Variants in RSU1 observed in about 807,000 individuals in gnomAD.
RSU1 encodes the protein rsu-1.
Under a neutral mutation model 31.1 loss-of-function variants are expected in RSU1, and 26 were observed. The ratio of observed to expected loss-of-function variants is 0.84; its 90% CI spans 0.61 to 1.16. The LOEUF (loss-of-function observed/expected upper bound fraction) is 1.16. Among genes scored for constraint, RSU1 ranks in the 50% most tolerant of loss-of-function variants. RSU1 has a pLI of 0.00. For missense variants in RSU1, 320 were observed against 339.1 expected, an observed-to-expected ratio of 0.94 and a Z score of 0.44; for synonymous variants, 164 against 136.3, an observed-to-expected ratio of 1.20 and a Z score of -1.41.
rs1833539722 is a variant in RSU1, at chr10:16,593,145, A to G, written c.*249T>C. On this transcript the variant is annotated 3_prime_UTR_variant, in exon 9 of 9. Transcript: ENST00000345264. ...GAGCCCACTATGGAATTCGCAGTTG[A>G]ATAAGAGCTTTGTTCCCTGCTTTTG... is the stretch of plus-strand genomic sequence containing the variant. 2 of 519,460 alleles carry G rather than the reference A, an allele frequency of 3.9e-6. No individual in the cohort carries two copies. Among genetic ancestry groups the G allele is most frequent in the East Asian group, 8.0e-5 (2 of 25,118 alleles). The allele number at this position is 519,460 out of a possible 1,614,324, so 32.2% of individuals were successfully genotyped here.
intron 7 of RSU1, among the ~76,000 whole-genome samples, chr10:16,707,619 C>G (rs1024782406): frequency 2.0e-5 from 3 of 150,898 alleles, no homozygotes; most frequent in Admixed American, 6.6e-5. Flanking sequence ...GAATATTAAC[C>G]TCTTGCCAGA....
intron 8 of RSU1, among the ~76,000 whole-genome samples, chr10:16,655,949 A>G (rs1349462529): frequency 4.6e-5 from 7 of 152,182 alleles, no homozygotes; most frequent in African/African-American, 1.7e-4. Flanking sequence ...GCCTGCCTGT[A>G]ATTATATTGA....
intron 2 of RSU1, among the ~76,000 whole-genome samples, chr10:16,807,570 T>C (rs1588549708): frequency 6.6e-6 from 1 of 152,186 alleles, no homozygotes; most frequent in Non-Finnish European, 1.5e-5. Flanking sequence ...CAGGAAACCA[T>C]AAAGAAAGTG....
At chr10:16,722,214 A>C (rs1000449734) in intron 7 of RSU1, among the ~76,000 whole-genome samples, 2 of 152,198 alleles carry the variant, frequency 1.3e-5, no homozygotes, top group Admixed American at 1.3e-4. Flanking sequence ...AAAGGTATGC[A>C]TGTATCAGAA....
chr10:16,675,476 G>A (rs76615577), intron 8 of RSU1, among the ~76,000 whole-genome samples: 27,066 of 152,012 alleles, frequency 0.18, 2,529 homozygotes, highest in Non-Finnish European at 0.19. Context: ...TTTTCAGGCA[G>A]GTATTGCTCT....
intron 7 of RSU1, among the ~76,000 whole-genome samples, chr10:16,750,002 A>G (rs1322013732): frequency 6.6e-6 from 1 of 152,160 alleles, no homozygotes; most frequent in East Asian, 1.9e-4. Flanking sequence ...GTCCCCACAG[A>G]CTTGTCAGCA....
intron 7 of RSU1, among the ~76,000 whole-genome samples, chr10:16,751,707 C>G (rs1486603619): frequency 1.3e-5 from 2 of 152,188 alleles, no homozygotes; most frequent in Admixed American, 1.3e-4. Context: ...GTTTAAAGAA[C>G]TGCTTCCTCA....
At chr10:16,801,966 C>T (rs1423841170) in intron 2 of RSU1, among the ~76,000 whole-genome samples, 1 of 151,896 alleles carries the variant, frequency 6.6e-6, no homozygotes, top group East Asian at 1.9e-4. Context: ...GGCAAAACGG[C>T]AATTACCTCT....
chr10:16,817,255 C>A (rs1408291777), intron 1 of RSU1, 60 bp downstream of exon 1: 2 of 415,314 alleles, frequency 4.8e-6, no homozygotes, highest in East Asian at 1.1e-4. Flanking sequence ...GGGAAGGGTT[C>A]AGCCCCGCTG....
At chr10:16,707,168 G>C (rs1388821639) in intron 7 of RSU1, among the ~76,000 whole-genome samples, 1 of 152,078 alleles carries the variant, frequency 6.6e-6, no homozygotes, top group Non-Finnish European at 1.5e-5. Context: ...GGTTGATTAC[G>C]TATCTTAGTT....
intron 8 of RSU1, among the ~76,000 whole-genome samples, chr10:16,678,326 G>C (rs1224695526): frequency 6.6e-6 from 1 of 152,214 alleles, no homozygotes; most frequent in Non-Finnish European, 1.5e-5. Flanking sequence ...AATGTTATCT[G>C]ACAGGTGTTA....
chr10:16,630,522 G>C (rs967989295), intron 8 of RSU1, among the ~76,000 whole-genome samples: 3 of 152,172 alleles, frequency 2.0e-5, no homozygotes, highest in Non-Finnish European at 4.4e-5. Flanking sequence ...GTATCTGCCT[G>C]CCTTCATCTC....
intron 7 of RSU1, among the ~76,000 whole-genome samples, chr10:16,724,646 T>C (rs901319459): frequency 6.6e-6 from 1 of 152,176 alleles, no homozygotes; most frequent in Non-Finnish European, 1.5e-5. Context: ...ACAGTGACTT[T>C]ACTGTCCGAG....
At chr10:16,750,857 A>T (rs1159449839) in intron 7 of RSU1, among the ~76,000 whole-genome samples, 2 of 145,578 alleles carry the variant, frequency 1.4e-5, no homozygotes, top group African/African-American at 5.2e-5. Context: ...ACTGTACAAG[A>T]TCTCTCTTTT....
At chr10:16,816,911 G>C in intron 2 of RSU1, 62 bp downstream of exon 2, 1 of 1,194,100 alleles carries the variant, frequency 8.4e-7, no homozygotes, top group Admixed American at 1.7e-5. Flanking sequence ...GACCAGCAGT[G>C]AATTGGCAAA....
intron 2 of RSU1, among the ~76,000 whole-genome samples, chr10:16,800,881 C>T (rs764740787): frequency 3.0e-4 from 45 of 149,652 alleles, no homozygotes; most frequent in Non-Finnish European, 5.5e-4. Flanking sequence ...AAAGAGAAAA[C>T]GGAATATGTT....
At chr10:16,629,705 G>C (rs1410347610) in intron 8 of RSU1, among the ~76,000 whole-genome samples, 3 of 152,070 alleles carry the variant, frequency 2.0e-5, no homozygotes. Context: ...TTCTGCTCTG[G>C]AACAATGGAA....
chr10:16,644,541 A>G (rs1380711176), intron 8 of RSU1, among the ~76,000 whole-genome samples: 1 of 152,214 alleles, frequency 6.6e-6, no homozygotes, highest in Non-Finnish European at 1.5e-5. Flanking sequence ...TTGAGCCCTA[A>G]GAGAACTTAA....
rs147745327 is a variant in RSU1 at position 16,731,000 on chromosome 10, T to C, written c.598+21539A>G. On this transcript the variant is annotated intron_variant, in intron 7 of 8. Transcript: ENST00000345264. ...CACCACGCCCAGCTTATTTTTGTATTTTTAGTAGAGATGGGGTTTCACCAT... is the reference window on the plus strand; with the variant it reads ...CACCACGCCCAGCTTATTTTTGTATCTTTAGTAGAGATGGGGTTTCACCAT... Among the ~76,000 whole-genome samples the C allele has an allele frequency of 7.5e-3, 1,146 of 152,202 alleles. 11 individuals carry two copies. Among genetic ancestry groups the C allele is most frequent in the African/African-American group, 0.026 (1,080 of 41,528 alleles).
Sources: gnomAD v4.1 joint callset for allele counts (sites outside exome capture counted in the v4.1 genomes callset) on GRCh38, gnomAD v4.1.1 for gene constraint, MANE v1.5 for transcripts, NCBI Gene and HGNC (gene_info 2026-07-23, HGNC 2026-07-21) for gene names.